Variants in CCDC14 observed in about 807,000 individuals in gnomAD.
CCDC14 encodes the protein coiled-coil domain-containing protein 14.
Under a neutral mutation model 81.4 loss-of-function variants are expected in CCDC14, and 71 were observed. The ratio of observed to expected loss-of-function variants is 0.87; its 90% CI spans 0.72 to 1.06. The LOEUF is 1.06. Ranked by LOEUF, CCDC14 falls within the 50% of genes least tolerant of loss-of-function variation. CCDC14 has a pLI of 0.00. For synonymous variants in CCDC14, 332 were observed against 364.8 expected (o/e 0.91, Z 1.03); for missense variants, 1,046 against 1,047.3 (o/e 1.00, Z 0.02).
intron 9 of CCDC14, among the ~76,000 whole-genome samples, chr3:123,934,065 G>A (rs2035908134): frequency 3.3e-5 from 5 of 152,012 alleles, no homozygotes; most frequent in Admixed American, 2.6e-4. Flanking sequence ...CTGAGGTCAG[G>A]AGTTTGAGAC....
chr3:123,905,383 C>T (rs951639119), intron 5 of CCDC14, among the ~76,000 whole-genome samples: 1 of 152,138 alleles, frequency 6.6e-6, no homozygotes, highest in Non-Finnish European at 1.5e-5. Context: ...TTCTGGGGGG[C>T]AGAAGAGCAG....
rs1458803279 is a variant in CCDC14 at position 123,915,315 on chromosome 3, T to C, written c.2182A>G (p.Asn728Asp). ...ALIEDEHNLD[N>D]TIYIPFARST... is the part of the protein sequence containing the mutation. Reference sequence around the variant, plus strand: ...CTAGCAAAAGGAATGTAAATTGTATTATCCAAATTATGCTCATCTTCTATT... The same window carrying C: ...CTAGCAAAAGGAATGTAAATTGTATCATCCAAATTATGCTCATCTTCTATT... The change falls in exon 13 of 13, where the codon AAT becomes GAT. Residue 728 changes from asparagine (N) to aspartate (D), a missense_variant. Coordinates refer to ENST00000409697, the MANE Select transcript of CCDC14 (RefSeq NM_001366335.1). 2 of 1,613,998 alleles carry C rather than the reference T, an allele frequency of 1.2e-6. No homozygotes were observed. Among genetic ancestry groups the C allele is most frequent in the Admixed American group, 1.7e-5 (1 of 60,034 alleles).
At position 123,956,740 on chromosome 3, in the gene CCDC14, G is replaced by T; in HGVS notation, c.86C>A (p.Ala29Glu). 1 of 1,546,196 alleles carries T rather than the reference G, an allele frequency of 6.5e-7. No individual in the cohort carries two copies. The highest frequency in any genetic ancestry group is 8.7e-7 in the Non-Finnish European group (1 of 1,142,908). ...GPAKLTNGKK[A>E]TYLRKIPRFN... ...GTTGTAAACGTCTTCAAGTACTTAC[G>T]CTTTCTTTCCATTTGTTAATTTAGC... Residue 29 changes from alanine (A) to glutamate (E), a missense_variant and splice_region_variant, in exon 2 of 13, where the codon GCG (alanine) becomes GAG (glutamate). Transcript: ENST00000409697.
chr3:123,925,596 C>T (rs1156272821), intron 12 of CCDC14, among the ~76,000 whole-genome samples: 1 of 152,040 alleles, frequency 6.6e-6, no homozygotes, highest in Non-Finnish European at 1.5e-5. Context: ...CTACCATGCC[C>T]AGGTAATTTT....
chr3:123,915,592 T>C lies in CCDC14; in HGVS notation c.1905A>G (p.Pro635=). Residue 635 remains proline, a synonymous_variant, in exon 13 of 13, where the codon CCA becomes CCG. Transcript: ENST00000409697. ...NIHDKQLQHD[P]APAHTSIMSY... is the part of the protein sequence containing the mutation. Reference sequence around the variant, plus strand: ...TCATTATGGAAGTGTGAGCAGGAGCTGGGTCATGTTGAAGTTGTTTATCAT... The same window carrying C: ...TCATTATGGAAGTGTGAGCAGGAGCCGGGTCATGTTGAAGTTGTTTATCAT... The C allele has an allele frequency of 4.3e-6, 7 of 1,614,042 alleles. No individual in the cohort carries two copies. The highest frequency in any genetic ancestry group is 5.9e-6 in the Non-Finnish European group (7 of 1,179,902).
At chr3:123,946,542 C>T (rs1365242433) in intron 8 of CCDC14, among the ~76,000 whole-genome samples, 1 of 151,974 alleles carries the variant, frequency 6.6e-6, no homozygotes, top group Non-Finnish European at 1.5e-5. Flanking sequence ...TGACTCTTTT[C>T]AAGGTCTATT....
In CCDC14 at chr3:123,944,861, G is replaced by C; in HGVS notation, c.1331C>G (p.Ala444Gly). Residue 444 changes from alanine to glycine, a missense_variant, in exon 9 of 13, where the codon GCT becomes GGT. Coordinates refer to ENST00000409697, the MANE Select transcript of CCDC14 (RefSeq NM_001366335.1). ...LAMQPLRSENAQLRRQLRILN... is the reference protein window; with the variant it reads ...LAMQPLRSENGQLRRQLRILN... Reference sequence around the variant, plus strand: ...GAGCAATTCTTACCTTCGTAACTGAGCATTCTCACTTCTTAATGGTTGCAT... The same window carrying C: ...GAGCAATTCTTACCTTCGTAACTGACCATTCTCACTTCTTAATGGTTGCAT... 1 of 1,609,700 alleles carries C rather than the reference G, an allele frequency of 6.2e-7. No homozygotes were observed. Among genetic ancestry groups the C allele is most frequent in the Non-Finnish European group, 8.5e-7 (1 of 1,177,226 alleles).
intron 1 of CCDC14, chr3:123,957,144 A>C (rs1243379630): frequency 6.3e-6 from 1 of 159,332 alleles, no homozygotes; most frequent in Non-Finnish European, 1.4e-5. Flanking sequence ...ATATTCCATT[A>C]TATGTATGTA....
Position 123,948,678 on chromosome 3 carries a change from G to T in CCDC14, c.684+13C>A. On this transcript the variant is annotated intron_variant, in intron 7 of 12. Transcript: ENST00000409697. The stretch of plus-strand genomic sequence containing the variant: ...GCAAATAGTTACTTATGTAGTATAA[G>T]AACTGTACGCACAGAATGAACCTTT... The T allele has an allele frequency of 6.3e-7, 1 of 1,577,192 alleles. No individual in the cohort carries two copies. Among genetic ancestry groups the T allele is most frequent in the Non-Finnish European group, 8.6e-7 (1 of 1,161,700 alleles).
chr3:123,913,015 T>C (rs1013871430), downstream of CCDC14, among the ~76,000 whole-genome samples: 1 of 152,238 alleles, frequency 6.6e-6, no homozygotes. Flanking sequence ...CCAAATCCTA[T>C]GTATTCATCC....
At chr3:123,943,439 C>A (rs577547008) in intron 9 of CCDC14, among the ~76,000 whole-genome samples, 1 of 152,134 alleles carries the variant, frequency 6.6e-6, no homozygotes, top group African/African-American at 2.4e-5. Context: ...CCATTGTAGG[C>A]CATAGGAACT....
chr3:123,952,703 CA>C (rs1187163658), intron 5 of CCDC14: 1 of 455,942 alleles, frequency 2.2e-6, no homozygotes, highest in Non-Finnish European at 4.8e-6. Flanking sequence ...CACAAAATAG[CA>C]AGATAATGTG....
intron 9 of CCDC14, among the ~76,000 whole-genome samples, chr3:123,936,273 C>T (rs2036050601): frequency 6.6e-6 from 1 of 151,902 alleles, no homozygotes; most frequent in Non-Finnish European, 1.5e-5. Flanking sequence ...ATTGATGTTA[C>T]ACATGCTATT....
At chr3:123,938,747 C>T (rs1295874520) in intron 9 of CCDC14, among the ~76,000 whole-genome samples, 1 of 151,684 alleles carries the variant, frequency 6.6e-6, no homozygotes, top group Non-Finnish European at 1.5e-5. Flanking sequence ...GATAATATTA[C>T]AAAAACTATT....
intron 5 of CCDC14, chr3:123,954,401 C>T (rs952108440): frequency 1.3e-5 from 2 of 152,122 alleles, no homozygotes; most frequent in Admixed American, 1.3e-4. Context: ...ATCTTATTTA[C>T]ACAATAAAAT....
downstream of CCDC14, among the ~76,000 whole-genome samples, chr3:123,895,609 TG>T (rs966879216): frequency 2.0e-5 from 3 of 152,222 alleles, no homozygotes; most frequent in African/African-American, 7.2e-5. Flanking sequence ...GGATGAAGCC[TG>T]GGGAATAATT....
At chr3:123,894,633 A>G (rs567917978), downstream of CCDC14, among the ~76,000 whole-genome samples, 1 of 152,310 alleles carries the variant, frequency 6.6e-6, no homozygotes, top group South Asian at 2.1e-4. Flanking sequence ...CTTTTTAGCA[A>G]TAAGTTTTCA....
intron 12 of CCDC14, among the ~76,000 whole-genome samples, chr3:123,927,265 A>AG (rs1429635002): frequency 6.6e-6 from 1 of 151,284 alleles, no homozygotes; most frequent in African/African-American, 2.4e-5. Context: ...AAAAAAAAAA[A>AG]AAATAGCTGG....
At chr3:123,893,992 G>T (rs2148752238), downstream of CCDC14, among the ~76,000 whole-genome samples, 1 of 152,068 alleles carries the variant, frequency 6.6e-6, no homozygotes, top group Admixed American at 6.5e-5. Context: ...CATTCTGTAG[G>T]TTGCTTTGTT....
Sources: gnomAD v4.1 joint callset for allele counts (sites outside exome capture counted in the v4.1 genomes callset) on GRCh38, gnomAD v4.1.1 for gene constraint, MANE v1.5 for transcripts, NCBI Gene and HGNC (gene_info 2026-07-23, HGNC 2026-07-21) for gene names.